The following MAP2K1 variants were observed in gnomAD, a reference collection of about 807,000 sequenced individuals.
MAP2K1 encodes mitogen-activated protein kinase kinase 1, also known as dual specificity mitogen-activated protein kinase kinase 1.
Under a neutral mutation model 46.3 loss-of-function variants are expected in MAP2K1, and 16 were observed. The ratio of observed to expected loss-of-function variants is 0.35; its 90% CI spans 0.23 to 0.52. The LOEUF (loss-of-function observed/expected upper bound fraction) is 0.52. Ranked by LOEUF, MAP2K1 falls within the 20% of genes least tolerant of loss-of-function variation. The pLI is 0.94. For missense variants in MAP2K1, 263 were observed against 497.1 expected, an observed-to-expected ratio of 0.53 and a Z score of 4.48; for synonymous variants, 183 against 185.6, an observed-to-expected ratio of 0.99 and a Z score of 0.11.
intron 1 of MAP2K1, among the ~76,000 whole-genome samples, chr15:66,418,626 C>A (rs1242137268): frequency 1.3e-5 from 2 of 152,164 alleles, no homozygotes; most frequent in Non-Finnish European, 2.9e-5. Context: ...GTGGTCACCA[C>A]CAGACCCAGG....
intron 1 of MAP2K1, among the ~76,000 whole-genome samples, chr15:66,425,415 C>G (rs905175434): frequency 3.3e-5 from 5 of 152,106 alleles, no homozygotes; most frequent in Admixed American, 2.0e-4. Flanking sequence ...TTGACGCTAG[C>G]TGCTTGTGCA....
chr15:66,469,693 G>GACACACACACACACACACAC lies in MAP2K1; in HGVS notation c.569-12050_569-12031dup, dbSNP rs56197290. ...ACCCAAAACATAAAATCCTTTTAAAGACACACACACACACACACACACACA... is the reference window on the plus strand; with the variant it reads ...ACCCAAAACATAAAATCCTTTTAAAGACACACACACACACACACACACACACACACACACACACACACACA... On this transcript the variant is annotated intron_variant, in intron 5 of 10. Transcript: ENST00000307102. 5.4e-3 allele frequency among the ~76,000 whole-genome samples: 460 copies of GACACACACACACACACACAC among 84,922 alleles called. 18 individuals are homozygous for GACACACACACACACACACAC. Among genetic ancestry groups the GACACACACACACACACACAC allele is most frequent in the South Asian group, 0.016 (33 of 2,092 alleles). 55.7% of individuals were successfully genotyped at this position (84,922 alleles called of 152,430 possible). A position where few individuals can be genotyped will look rare whatever the true frequency, so the allele number is the denominator to read the frequency against.
At chr15:66,463,642 C>T (rs1055654149) in intron 5 of MAP2K1, among the ~76,000 whole-genome samples, 32 of 152,222 alleles carry the variant, frequency 2.1e-4, no homozygotes, top group Non-Finnish European at 4.3e-4. Flanking sequence ...GCCACTACGC[C>T]CGGCTAATTT....
intron 5 of MAP2K1, among the ~76,000 whole-genome samples, chr15:66,458,350 C>T (rs533154071): frequency 6.6e-6 from 1 of 152,254 alleles, no homozygotes; most frequent in African/African-American, 2.4e-5. Context: ...CCAACTTAGC[C>T]GTAAATTATT....
At chr15:66,403,868 C>T (rs774528402) in intron 1 of MAP2K1, among the ~76,000 whole-genome samples, 50 of 152,118 alleles carry the variant, frequency 3.3e-4, no homozygotes, top group Non-Finnish European at 5.0e-4. Context: ...GCTTTCATAC[C>T]ACCCTTTAGT....
At chr15:66,392,254 GGTTTTTTTTTTT>G (rs1336441280) in intron 1 of MAP2K1, among the ~76,000 whole-genome samples, 3 of 79,666 alleles carry the variant, frequency 3.8e-5, no homozygotes, top group Non-Finnish European at 6.7e-5. Context: ...GTTTTTTTTG[GGTTTTTTTTTTT>G]TTTTTTTTTT....
chr15:66,393,993 T>C (rs979958656), intron 1 of MAP2K1, among the ~76,000 whole-genome samples: 2 of 152,224 alleles, frequency 1.3e-5, no homozygotes, highest in Non-Finnish European at 2.9e-5. Context: ...GTATAAGTAT[T>C]TATCTTCTTC....
chr15:66,487,904 ACTG>A (rs1246951892), intron 8 of MAP2K1, among the ~76,000 whole-genome samples: 1 of 152,126 alleles, frequency 6.6e-6, no homozygotes, highest in Non-Finnish European at 1.5e-5. Flanking sequence ...CCTAGTGTGC[ACTG>A]CTTTCTTCCA....
chr15:66,424,675 G>A (rs1274000571), intron 1 of MAP2K1, among the ~76,000 whole-genome samples: 1 of 151,852 alleles, frequency 6.6e-6, no homozygotes, highest in African/African-American at 2.4e-5. Flanking sequence ...TGCCACAAAG[G>A]GACTCTTTCT....
At chr15:66,426,218 G>T (rs180792139) in intron 1 of MAP2K1, among the ~76,000 whole-genome samples, 1 of 150,604 alleles carries the variant, frequency 6.6e-6, no homozygotes, top group Non-Finnish European at 1.5e-5. Flanking sequence ...TCCATAGGCA[G>T]AGAGCAGCCC....
chr15:66,484,845 G>A, intron 6 of MAP2K1, 145 bp from the exon 7 acceptor site: 1 of 776,106 alleles, frequency 1.3e-6, no homozygotes, highest in Non-Finnish European at 2.3e-6. Context: ...AGTGTTGGGG[G>A]TAGGCAGGAG....
rs1437056196 is a variant in MAP2K1, at chr15:66,420,786, T to TAC, written c.81-14240_81-14239insCA. ...ATGTGTGTATATATATGTGTATATA[T>TAC]ATGTGTGTATATATATGTGTATATA... is the stretch of plus-strand genomic sequence containing the variant. On this transcript the variant is annotated intron_variant, in intron 1 of 10. Coordinates refer to ENST00000307102, the MANE Select transcript of MAP2K1 (RefSeq NM_002755.4). Among the ~76,000 whole-genome samples the TAC allele has an allele frequency of 1.6e-4, 10 of 63,716 alleles. 1 individual carries two copies. Among genetic ancestry groups the TAC allele is most frequent in the African/African-American group, 4.2e-4 (9 of 21,298 alleles). 41.8% of individuals were successfully genotyped at this position (63,716 alleles called of 152,430 possible).
intron 1 of MAP2K1, among the ~76,000 whole-genome samples, chr15:66,429,892 A>G (rs1469165796): frequency 6.6e-6 from 1 of 151,914 alleles, no homozygotes; most frequent in Non-Finnish European, 1.5e-5. Flanking sequence ...CCCCCTGTCC[A>G]TTGAAGCTCC....
chr15:66,486,821 G>A (rs1189837445), intron 7 of MAP2K1, among the ~76,000 whole-genome samples: 3 of 152,204 alleles, frequency 2.0e-5, no homozygotes, highest in African/African-American at 7.2e-5. Flanking sequence ...TGGCCTCTGA[G>A]GCTCGCCAGT....
At chr15:66,447,195 C>A (rs572855497) in intron 5 of MAP2K1, among the ~76,000 whole-genome samples, 2 of 151,848 alleles carry the variant, frequency 1.3e-5, no homozygotes, top group East Asian at 3.9e-4. Context: ...TTTGACATGG[C>A]TGACTCCTGG....
intron 2 of MAP2K1, among the ~76,000 whole-genome samples, chr15:66,435,548 G>A (rs925106033): frequency 2.6e-5 from 4 of 151,972 alleles, no homozygotes; most frequent in East Asian, 1.9e-4. Context: ...AGCTGATCTC[G>A]AACTCCTGAC....
At chr15:66,425,433 T>C (rs1256459372) in intron 1 of MAP2K1, among the ~76,000 whole-genome samples, 1 of 152,160 alleles carries the variant, frequency 6.6e-6, no homozygotes, top group African/African-American at 2.4e-5. Flanking sequence ...GCAAATCACA[T>C]CTTGGCCGCC....
intron 5 of MAP2K1, among the ~76,000 whole-genome samples, chr15:66,463,731 G>A (rs1329543825): frequency 1.3e-5 from 2 of 152,218 alleles, no homozygotes; most frequent in African/African-American, 4.8e-5. Flanking sequence ...TGATCCACCT[G>A]CCTTGGCCTC....
chr15:66,483,541 A>G (rs999296533), intron 6 of MAP2K1, among the ~76,000 whole-genome samples: 22 of 152,194 alleles, frequency 1.4e-4, no homozygotes, highest in Non-Finnish European at 2.9e-5. Flanking sequence ...GAAAAATGCT[A>G]CTGGAGAAGT....
Sources: gnomAD v4.1 joint callset for allele counts (sites outside exome capture counted in the v4.1 genomes callset) on GRCh38, gnomAD v4.1.1 for gene constraint, MANE v1.5 for transcripts, NCBI Gene and HGNC (gene_info 2026-07-23, HGNC 2026-07-21) for gene names.